Variants in OSBPL1A observed in about 807,000 individuals in gnomAD.
OSBPL1A encodes the protein oxysterol-binding protein-related protein 1.
OSBPL1A carries 80 observed loss-of-function variants against 137.1 expected under a neutral mutation model. The ratio of observed to expected loss-of-function variants is 0.58; its 90% confidence interval spans 0.49 to 0.70. OSBPL1A has a LOEUF of 0.70. OSBPL1A is among the 30% of genes least tolerant of loss of function. The pLI is 0.00. For missense variants in OSBPL1A, 970 were observed against 1,129.4 expected (o/e 0.86, Z 2.02); for synonymous variants, 365 against 389.7 (o/e 0.94, Z 0.75).
chr18:24,294,599 C>CTG (rs34019635), intron 14 of OSBPL1A, among the ~76,000 whole-genome samples: 88,861 of 151,668 alleles, frequency 0.59, 27,540 homozygotes, highest in African/African-American at 0.74. Context: ...CCATATCACT[C>CTG]TAAGTCTCTG....
intron 21 of OSBPL1A, 142 bp downstream of exon 21, chr18:24,177,871 T>C: frequency 1.4e-6 from 1 of 692,968 alleles, no homozygotes; most frequent in Non-Finnish European, 2.2e-6. Context: ...CAAATTCTTT[T>C]ACATAGACGT....
chr18:24,181,960 T>C (rs1332036673), intron 18 of OSBPL1A, among the ~76,000 whole-genome samples: 1 of 152,238 alleles, frequency 6.6e-6, no homozygotes, highest in African/African-American at 2.4e-5. Flanking sequence ...TGTTCAAATA[T>C]ATGTGTTAAA....
intron 1 of OSBPL1A, among the ~76,000 whole-genome samples, chr18:24,384,338 C>T (rs7238586): frequency 0.38 from 57,442 of 152,062 alleles, 11,600 homozygotes; most frequent in East Asian, 0.72. Flanking sequence ...CTTTGGGAGG[C>T]CAAGGTGGGC....
At chr18:24,276,597 C>A (rs942928212) in intron 15 of OSBPL1A, among the ~76,000 whole-genome samples, 5 of 151,930 alleles carry the variant, frequency 3.3e-5, no homozygotes, top group Admixed American at 2.0e-4. Context: ...GCATGTGCCA[C>A]CACACCTGGC....
chr18:24,237,419 C>T (rs9955230), intron 16 of OSBPL1A, among the ~76,000 whole-genome samples: 15,629 of 152,038 alleles, frequency 0.1, 1,454 homozygotes, highest in African/African-American at 0.25. Context: ...ATCCTCCCAC[C>T]GCAGCCTTCT....
chr18:24,339,176 T>C (rs1386061034), intron 5 of OSBPL1A, among the ~76,000 whole-genome samples: 1 of 152,090 alleles, frequency 6.6e-6, no homozygotes, highest in African/African-American at 2.4e-5. Flanking sequence ...TTCACCATGT[T>C]GGGCAGGCTG....
chr18:24,341,051 A>G (rs2091266165), intron 5 of OSBPL1A, among the ~76,000 whole-genome samples: 1 of 152,206 alleles, frequency 6.6e-6, no homozygotes, highest in African/African-American at 2.4e-5. Context: ...ACCAAAGTAC[A>G]GTAGCTCAAT....
intron 17 of OSBPL1A, among the ~76,000 whole-genome samples, chr18:24,213,281 G>C (rs11873517): frequency 6.6e-6 from 1 of 152,088 alleles, no homozygotes; most frequent in South Asian, 2.1e-4. Flanking sequence ...TTAATAATTT[G>C]ATGTGGCCAG....
intron 18 of OSBPL1A, among the ~76,000 whole-genome samples, chr18:24,191,080 G>A (rs1422366181): frequency 6.6e-6 from 1 of 152,194 alleles, no homozygotes; most frequent in African/African-American, 2.4e-5. Flanking sequence ...GTACAACTGA[G>A]TGATAAAAAC....
chr18:24,172,635 T>G, intron 21 of OSBPL1A, 152 bp from the exon 22 acceptor site: 1 of 532,254 alleles, frequency 1.9e-6, no homozygotes, highest in South Asian at 3.3e-5. Flanking sequence ...TGATGTTAAC[T>G]CACCATAAAA....
chr18:24,213,510 G>A (rs2087604847), intron 17 of OSBPL1A, among the ~76,000 whole-genome samples: 1 of 152,138 alleles, frequency 6.6e-6, no homozygotes, highest in East Asian at 1.9e-4. Context: ...AGAGGTTGCA[G>A]TGAGCCAAGA....
Position 24,271,635 on chromosome 18 carries a change from G to C in OSBPL1A, c.1281+9207C>G, listed in dbSNP as rs2089719699. The stretch of plus-strand genomic sequence containing the variant: ...ACACCCACCTACCTGGGCCAGATCC[G>C]AGGACCCCGGCTGGCGCGCTCCACC... On this transcript the variant is annotated intron_variant, in intron 15 of 27. Coordinates refer to ENST00000319481, the MANE Select transcript of OSBPL1A (RefSeq NM_080597.4). The surrounding 1 kb of genome is among the most constrained non-coding windows in gnomAD (Gnocchi z 4.0). 5.1e-6 allele frequency: 5 copies of C among 985,662 alleles called. No homozygotes were observed. Among genetic ancestry groups the C allele is most frequent in the Non-Finnish European group, 6.0e-6 (5 of 830,218 alleles). The allele number at this position is 985,662 out of a possible 1,614,324, so 61.1% of individuals were successfully genotyped here.
chr18:24,228,093 A>G (rs762569210), intron 16 of OSBPL1A, among the ~76,000 whole-genome samples: 6 of 152,262 alleles, frequency 3.9e-5, no homozygotes, highest in East Asian at 1.9e-4. Context: ...GACTACATAA[A>G]GATCTACGAC....
intron 18 of OSBPL1A, among the ~76,000 whole-genome samples, chr18:24,190,346 GAAAAAAAA>G (rs140195338): frequency 2.0e-5 from 1 of 49,174 alleles, no homozygotes; most frequent in Non-Finnish European, 3.8e-5. Flanking sequence ...CTCTGCTACT[GAAAAAAAA>G]AAAAAAAAAA....
chr18:24,388,914 C>A (rs1004463430), intron 1 of OSBPL1A, among the ~76,000 whole-genome samples: 1 of 151,342 alleles, frequency 6.6e-6, no homozygotes, highest in African/African-American at 2.4e-5. Context: ...ATCTTTAATT[C>A]GTAAACTATT....
At chr18:24,287,580 C>A (rs933448162) in intron 14 of OSBPL1A, among the ~76,000 whole-genome samples, 3 of 152,128 alleles carry the variant, frequency 2.0e-5, no homozygotes, top group African/African-American at 2.4e-5. Context: ...CCAGACCAAC[C>A]TGGCCAACAT....
intron 1 of OSBPL1A, among the ~76,000 whole-genome samples, chr18:24,390,748 T>C (rs531298620): frequency 8.3e-6 from 1 of 120,068 alleles, no homozygotes; most frequent in African/African-American, 3.1e-5. Context: ...AAAATTGAAA[T>C]CCCAAATATT....
intron 16 of OSBPL1A, among the ~76,000 whole-genome samples, chr18:24,238,902 T>C (rs776397069): frequency 1.3e-5 from 2 of 152,218 alleles, no homozygotes; most frequent in Non-Finnish European, 2.9e-5. Flanking sequence ...TATGTGCTAA[T>C]GCCTGGCACT....
intron 15 of OSBPL1A, among the ~76,000 whole-genome samples, chr18:24,252,883 C>T (rs182690373): frequency 3.3e-5 from 5 of 152,112 alleles, no homozygotes; most frequent in Non-Finnish European, 7.4e-5. Context: ...TTTATGCAAT[C>T]AGCGTTGTCA....
Sources: gnomAD v4.1 joint callset for allele counts (sites outside exome capture counted in the v4.1 genomes callset) on GRCh38, gnomAD v4.1.1 for gene constraint, Gnocchi (gnomAD v3.1) non-coding constraint, MANE v1.5 for transcripts, NCBI Gene and HGNC (gene_info 2026-07-23, HGNC 2026-07-21) for gene names.